Variants in GALNTL6 observed in about 807,000 individuals in gnomAD.
GALNTL6 encodes polypeptide N-acetylgalactosaminyltransferase like 6.
Under a neutral mutation model 73.7 loss-of-function variants are expected in GALNTL6, and 46 were observed. The ratio of observed to expected loss-of-function variants is 0.62; its 90% CI spans 0.49 to 0.80. The LOEUF (loss-of-function observed/expected upper bound fraction) is 0.80. GALNTL6 is among the 30% of genes least tolerant of loss of function. The pLI is 0.00. For synonymous variants in GALNTL6, 259 were observed against 263.7 expected, an observed-to-expected ratio of 0.98 and a Z score of 0.17; for missense variants, 604 against 755.0, an observed-to-expected ratio of 0.80 and a Z score of 2.34.
chr4:172,545,817 T>G (rs1234945066), intron 5 of GALNTL6: 3 of 152,160 alleles, frequency 2.0e-5, no homozygotes, highest in Admixed American at 1.3e-4. Context: ...TTCCCTAAAC[T>G]GTTTAAGGAG....
chr4:172,172,988 G>A (rs1734881378), intron 2 of GALNTL6, among the ~76,000 whole-genome samples: 1 of 152,122 alleles, frequency 6.6e-6, no homozygotes, highest in Non-Finnish European at 1.5e-5. Context: ...ATCCAGCTGG[G>A]GAAAGGCTTT....
intron 2 of GALNTL6, among the ~76,000 whole-genome samples, chr4:171,832,778 A>G (rs997853555): frequency 2.0e-5 from 3 of 151,714 alleles, no homozygotes; most frequent in Non-Finnish European, 4.4e-5. Context: ...CAAGCAAAAG[A>G]GTCATAAAGT....
chr4:171,971,246 C>T (rs1400983315), intron 2 of GALNTL6, among the ~76,000 whole-genome samples: 1 of 152,186 alleles, frequency 6.6e-6, no homozygotes, highest in Non-Finnish European at 1.5e-5. Flanking sequence ...CACTCCCAAC[C>T]CTATTTCTAG....
intron 2 of GALNTL6, among the ~76,000 whole-genome samples, chr4:171,856,818 A>G (rs111880555): frequency 1.1e-4 from 17 of 152,258 alleles, no homozygotes; most frequent in African/African-American, 4.1e-4. Context: ...TGTCAATGCA[A>G]TTGTCTTAAT....
intron 2 of GALNTL6, among the ~76,000 whole-genome samples, chr4:172,142,432 C>T (rs1384548796): frequency 6.6e-6 from 1 of 152,024 alleles, no homozygotes; most frequent in Non-Finnish European, 1.5e-5. Context: ...CAGCATGTTA[C>T]AGCCACAGTC....
intron 5 of GALNTL6, among the ~76,000 whole-genome samples, chr4:172,541,751 C>T (rs114077956): frequency 2.0e-3 from 311 of 152,212 alleles, no homozygotes; most frequent in African/African-American, 7.1e-3. Flanking sequence ...GTGTGTTTAC[C>T]GAAGTTGTAT....
chr4:172,546,736 A>G (rs534312413), intron 5 of GALNTL6, among the ~76,000 whole-genome samples: 43 of 138,736 alleles, frequency 3.1e-4, no homozygotes, highest in Non-Finnish European at 6.2e-4. Context: ...TAGAAGCAGG[A>G]GGCTTCATTT....
intron 3 of GALNTL6, among the ~76,000 whole-genome samples, chr4:172,242,825 C>T (rs550777823): frequency 5.3e-5 from 8 of 152,326 alleles, no homozygotes; most frequent in Admixed American, 1.3e-4. Flanking sequence ...GAGGTGCCCT[C>T]GCTGTTTATT....
At chr4:172,738,369 T>G (rs6834748) in intron 5 of GALNTL6, among the ~76,000 whole-genome samples, 54,563 of 151,998 alleles carry the variant, frequency 0.36, 10,845 homozygotes, top group African/African-American at 0.52. Flanking sequence ...GTTGTTGCTG[T>G]TGAAGAACTC....
intron 10 of GALNTL6, among the ~76,000 whole-genome samples, chr4:172,966,894 A>C (rs957089219): frequency 6.6e-6 from 1 of 152,124 alleles, no homozygotes; most frequent in African/African-American, 2.4e-5. Flanking sequence ...GTGCCGCTAA[A>C]AGGTAAGTTG....
intron 2 of GALNTL6, 41 bp from the exon 3 acceptor site, chr4:172,229,615 A>G (rs1384897777): frequency 7.7e-7 from 1 of 1,295,622 alleles, no homozygotes. Context: ...TGCAAAAGGA[A>G]ATACCTCCTT....
chr4:172,570,454 G>GT (rs71916306), intron 5 of GALNTL6, among the ~76,000 whole-genome samples: 2,444 of 152,240 alleles, frequency 0.016, 61 homozygotes, highest in African/African-American at 0.055. Context: ...CTTCAGACTG[G>GT]TGCTGTATTT....
chr4:172,924,172 A>AT (rs1190574283), intron 8 of GALNTL6, among the ~76,000 whole-genome samples: 1 of 152,190 alleles, frequency 6.6e-6, no homozygotes, highest in African/African-American at 2.4e-5. Flanking sequence ...CGCCTGGCCC[A>AT]TTCTCTTTCA....
chr4:172,346,989 T>TTTTTTTTTTTTTTTTTTGATTTCTTTC (rs1491250300), intron 4 of GALNTL6, among the ~76,000 whole-genome samples: 4 of 29,328 alleles, frequency 1.4e-4, no homozygotes, highest in African/African-American at 3.5e-4. Context: ...GTTTTCTTTC[T>TTTTTTTTTTTTTTTTTTGATTTCTTTC]TTTTTTTTTT....
chr4:172,206,817 TG>T (rs201317582), intron 2 of GALNTL6, among the ~76,000 whole-genome samples: 649 of 59,062 alleles, frequency 0.011, 73 homozygotes, highest in East Asian at 0.025. Context: ...TTTTTTTGTT[TG>T]TTTTTTTTTT....
chr4:172,700,279 G>A (rs79672972), intron 5 of GALNTL6, among the ~76,000 whole-genome samples: 8,566 of 152,142 alleles, frequency 0.056, 371 homozygotes, highest in Non-Finnish European at 0.085. Context: ...GACAATTATT[G>A]TTGAAGAAAA....
intron 7 of GALNTL6, among the ~76,000 whole-genome samples, chr4:172,866,617 G>T (rs114789784): frequency 0.011 from 1,708 of 152,138 alleles, 30 homozygotes; most frequent in African/African-American, 0.038. Context: ...CGGTCCCTCC[G>T]CTCAACCAGC....
At chr4:172,394,479 T>C (rs1327510809) in intron 5 of GALNTL6, among the ~76,000 whole-genome samples, 2 of 148,510 alleles carry the variant, frequency 1.3e-5, no homozygotes, top group African/African-American at 5.1e-5. Context: ...TCACCCAGGC[T>C]GGAGTGCAGT....
chr4:172,362,602 A>G (rs1028445512), intron 5 of GALNTL6, among the ~76,000 whole-genome samples: 3 of 152,100 alleles, frequency 2.0e-5, no homozygotes, highest in Admixed American at 1.3e-4. Flanking sequence ...CTGGGTGATC[A>G]GTTTTTTCAT....
Sources: allele counts gnomAD v4.1 joint callset (sites outside exome capture counted in the v4.1 genomes callset), GRCh38; gene constraint gnomAD v4.1.1; transcripts MANE v1.5; gene names NCBI Gene and HGNC (gene_info 2026-07-23, HGNC 2026-07-21).